The following IL1RAPL1 variants were observed in gnomAD, a reference collection of about 807,000 sequenced individuals.
IL1RAPL1 encodes interleukin 1 receptor accessory protein like 1, also known as interleukin-1 receptor accessory protein-like 1.
A neutral mutation model predicts 48.4 loss-of-function variants in IL1RAPL1; 3 were observed. The observed-to-expected ratio is 0.06, with a 90% confidence interval of 0.03 to 0.16. The LOEUF (loss-of-function observed/expected upper bound fraction) is 0.16. IL1RAPL1 is among the 10% of genes least tolerant of loss of function. The pLI, the probability that IL1RAPL1 is intolerant of heterozygous loss-of-function variation, is 1.00. For missense variants in IL1RAPL1, 349 were observed against 530.6 expected, an observed-to-expected ratio of 0.66 and a Z score of 3.36; for synonymous variants, 185 against 187.7, an observed-to-expected ratio of 0.99 and a Z score of 0.12.
chrX:28,665,786 C>T (rs1450985435), intron 1 of IL1RAPL1, among the ~76,000 whole-genome samples: 3 of 111,988 alleles, frequency 2.7e-5, no homozygotes, highest in African/African-American at 3.2e-5. Context: ...CCACCATGCC[C>T]GGCTATAAGT....
chrX:29,216,400 G>T (rs1930870297), intron 2 of IL1RAPL1, among the ~76,000 whole-genome samples: 1 of 110,379 alleles, frequency 9.1e-6, no homozygotes, highest in Non-Finnish European at 1.9e-5. Context: ...TTGCCATGTT[G>T]CCTAGGCTGG....
At chrX:29,805,284 C>T (rs983292947) in intron 6 of IL1RAPL1, among the ~76,000 whole-genome samples, 2 of 111,716 alleles carry the variant, frequency 1.8e-5, no homozygotes, top group African/African-American at 6.5e-5. Flanking sequence ...CATCATTTCA[C>T]TCAGATAAAG....
At chrX:29,619,803 C>T (rs1197871926) in intron 5 of IL1RAPL1, among the ~76,000 whole-genome samples, 1 of 111,463 alleles carries the variant, frequency 9.0e-6, no homozygotes, top group Non-Finnish European at 1.9e-5. Context: ...TTTGTTAATA[C>T]TTCATGCATT....
At chrX:28,714,325 C>A (rs1412253114) in intron 1 of IL1RAPL1, among the ~76,000 whole-genome samples, 1 of 111,302 alleles carries the variant, frequency 9.0e-6, no homozygotes, top group East Asian at 2.8e-4. Flanking sequence ...AATCTTTTTT[C>A]TATATTTGAT....
At chrX:28,759,234 A>G in intron 1 of IL1RAPL1, among the ~76,000 whole-genome samples, 1 of 69,031 alleles carries the variant, frequency 1.4e-5, no homozygotes, top group African/African-American at 5.0e-5. Context: ...GTGAAACTCC[A>G]TCTCAAAAAA....
At chrX:29,813,368 A>G (rs1373122382) in intron 6 of IL1RAPL1, among the ~76,000 whole-genome samples, 1 of 111,113 alleles carries the variant, frequency 9.0e-6, no homozygotes, top group Non-Finnish European at 1.9e-5. Flanking sequence ...CTCTTTTACA[A>G]TGATGTCATC....
At chrX:29,636,419 C>G (rs1038943113) in intron 5 of IL1RAPL1, among the ~76,000 whole-genome samples, 6 of 112,102 alleles carry the variant, frequency 5.4e-5, no homozygotes, top group Admixed American at 9.5e-5. Flanking sequence ...GTTTTAATCT[C>G]AGATATTGCC....
intron 2 of IL1RAPL1, among the ~76,000 whole-genome samples, chrX:28,890,820 A>C (rs919265152): frequency 1.8e-5 from 2 of 112,200 alleles, no homozygotes; most frequent in Non-Finnish European, 1.9e-5. Flanking sequence ...TTGTGCCCTC[A>C]TAGAAACCAC....
intron 6 of IL1RAPL1, among the ~76,000 whole-genome samples, chrX:29,913,352 G>A (rs1460817421): frequency 1.1e-5 from 1 of 95,180 alleles, no homozygotes; most frequent in East Asian, 2.9e-4. Context: ...GAAGCAACTG[G>A]CAGTTCCCAG....
chrX:29,685,798 A>C (rs1308458393), intron 6 of IL1RAPL1, among the ~76,000 whole-genome samples: 1 of 109,992 alleles, frequency 9.1e-6, no homozygotes, highest in Non-Finnish European at 1.9e-5. Flanking sequence ...CGGCCTGGCC[A>C]ACATACTGAA....
intron 2 of IL1RAPL1, among the ~76,000 whole-genome samples, chrX:29,120,437 A>T (rs895315765): frequency 9.0e-6 from 1 of 111,694 alleles, no homozygotes; most frequent in East Asian, 2.8e-4. Context: ...TTGGTCTAAG[A>T]TCAGATGGCT....
At chrX:28,704,842 A>AAAAAAAAC (rs1935354046) in intron 1 of IL1RAPL1, among the ~76,000 whole-genome samples, 1 of 105,635 alleles carries the variant, frequency 9.5e-6, no homozygotes, top group Admixed American at 1.0e-4. Flanking sequence ...AAAAAAAAAA[A>AAAAAAAAC]AAAAAAACTG....
chrX:29,494,585 C>T (rs760558981), intron 5 of IL1RAPL1, among the ~76,000 whole-genome samples: 11 of 111,873 alleles, frequency 9.8e-5, no homozygotes, highest in Non-Finnish European at 1.9e-4. Context: ...TCTCTAATGC[C>T]GTTATGTGTG....
At chrX:28,747,106 A>G (rs987162216) in intron 1 of IL1RAPL1, among the ~76,000 whole-genome samples, 4 of 111,257 alleles carry the variant, frequency 3.6e-5, no homozygotes, top group Admixed American at 9.7e-5. Context: ...GAGCAGTAGA[A>G]TGTTTAAATT....
intron 5 of IL1RAPL1, among the ~76,000 whole-genome samples, chrX:29,667,103 A>T (rs970386352): frequency 8.9e-6 from 1 of 112,237 alleles, no homozygotes; most frequent in African/African-American, 3.2e-5. Flanking sequence ...ATCTCATCCT[A>T]TTACCCAAAC....
intron 6 of IL1RAPL1, among the ~76,000 whole-genome samples, chrX:29,730,625 T>C (rs1361363131): frequency 9.1e-6 from 1 of 109,803 alleles, no homozygotes; most frequent in Non-Finnish European, 1.9e-5. Flanking sequence ...AAGAACATTT[T>C]CTAAAAGAGA....
intron 5 of IL1RAPL1, among the ~76,000 whole-genome samples, chrX:29,659,822 T>C (rs1239110303): frequency 8.9e-6 from 1 of 111,833 alleles, no homozygotes; most frequent in Non-Finnish European, 1.9e-5. Context: ...TGTTGAGTTG[T>C]TTGAGCTCTT....
chrX:29,337,804 A>T, intron 3 of IL1RAPL1, among the ~76,000 whole-genome samples: 1 of 110,225 alleles, frequency 9.1e-6, no homozygotes, highest in South Asian at 3.9e-4. Context: ...CTTCCTGAGT[A>T]GCTTGGATTA....
chrX:29,536,960 A>C (rs1204171954), intron 5 of IL1RAPL1, among the ~76,000 whole-genome samples: 1 of 110,687 alleles, frequency 9.0e-6, no homozygotes, highest in African/African-American at 3.3e-5. Context: ...TTATATAATA[A>C]AATTATATAA....
Sources: gnomAD v4.1 joint callset for allele counts (sites outside exome capture counted in the v4.1 genomes callset) on GRCh38, gnomAD v4.1.1 for gene constraint, MANE v1.5 for transcripts, NCBI Gene and HGNC (gene_info 2026-07-23, HGNC 2026-07-21) for gene names.